The following NAALAD2 variants were observed in gnomAD, a reference collection of about 807,000 sequenced individuals.
NAALAD2 encodes N-acetylated-alpha-linked acidic dipeptidase 2.
A neutral mutation model predicts 95.6 loss-of-function variants in NAALAD2; 89 were observed. The ratio of observed to expected loss-of-function variants is 0.93; its 90% confidence interval spans 0.78 to 1.11. The LOEUF (loss-of-function observed/expected upper bound fraction) is 1.11. NAALAD2 is among the 50% of genes least tolerant of loss of function. NAALAD2 has a pLI of 0.00. For missense variants in NAALAD2, 894 were observed against 872.4 expected (o/e 1.02, Z -0.31); for synonymous variants, 264 against 294.4 (o/e 0.90, Z 1.06).
intron 3 of NAALAD2, 108 bp from the exon 4 acceptor site, chr11:90,148,898 C>T (rs1345078272): frequency 1.6e-6 from 1 of 609,910 alleles, no homozygotes; most frequent in African/African-American, 1.9e-5. Context: ...TATTACAGAA[C>T]CTTGTTCCAG....
chr11:90,157,355 G>C (rs1176601878), intron 6 of NAALAD2, among the ~76,000 whole-genome samples: 1 of 152,136 alleles, frequency 6.6e-6, no homozygotes, highest in Non-Finnish European at 1.5e-5. Context: ...TTGGCTGAAA[G>C]TCACAGTTCC....
chr11:90,167,900 A>G (rs1410505929), intron 11 of NAALAD2, among the ~76,000 whole-genome samples: 1 of 152,222 alleles, frequency 6.6e-6, no homozygotes, highest in Admixed American at 6.5e-5. Context: ...AAAATGGACC[A>G]GTCAGCAGGA....
At chr11:90,168,352 C>T (rs148513885) in intron 11 of NAALAD2, among the ~76,000 whole-genome samples, 193 of 152,302 alleles carry the variant, frequency 1.3e-3, no homozygotes, top group African/African-American at 4.3e-3. Flanking sequence ...AGATCAAGAA[C>T]CCACCAATTC....
Position 90,142,162 on chromosome 11 carries a change from C to T in NAALAD2, c.195-5168C>T, listed in dbSNP as rs146340411. Among the ~76,000 whole-genome samples, 910 of 152,122 alleles carry T rather than the reference C, an allele frequency of 6.0e-3. 4 individuals are homozygous for T. Among genetic ancestry groups the T allele is most frequent in the African/African-American group, 0.021 (866 of 41,504 alleles). On this transcript the variant is annotated intron_variant, in intron 2 of 18. Transcript: ENST00000534061. ...CTTTTTCTGTATCAATTAATATGAT[C>T]ATATGATTTTTCTTTTTTAGCTGGT... is the stretch of plus-strand genomic sequence containing the variant.
chr11:90,150,147 C>G (rs1951848398), intron 4 of NAALAD2, among the ~76,000 whole-genome samples: 1 of 152,256 alleles, frequency 6.6e-6, no homozygotes, highest in Admixed American at 6.5e-5. Flanking sequence ...CACAGCTACT[C>G]TGGCAGCTGA....
Position 90,163,317 on chromosome 11 carries a change from T to TGTCTG in NAALAD2, c.1085_1086insCTGGT (p.Ile363TrpfsTer35), listed in dbSNP as rs772627991. On this transcript the variant is annotated frameshift_variant, in exon 10 of 19. Coordinates refer to ENST00000534061, the MANE Select transcript of NAALAD2 (RefSeq NM_005467.4). LOFTEE classifies it high-confidence loss of function. ...GAACGTATTATTTTCCAGACAGGTA[T>TGTCTG]GTTATTCTGGGAGGTCACCGGGACT... The TGTCTG allele has an allele frequency of 9.9e-6, 16 of 1,613,236 alleles. 1 individual carries two copies. The highest frequency in any genetic ancestry group is 1.7e-5 in the Admixed American group (1 of 59,916).
chr11:90,159,450 C>G (rs1350105769), intron 8 of NAALAD2, 113 bp downstream of exon 8: 11 of 703,290 alleles, frequency 1.6e-5, no homozygotes, highest in Non-Finnish European at 2.4e-5. Context: ...TCTTTCTAAA[C>G]AACCATTTTA....
At chr11:90,177,089 T>C (rs1644369470) in intron 15 of NAALAD2, among the ~76,000 whole-genome samples, 1 of 152,112 alleles carries the variant, frequency 6.6e-6, no homozygotes, top group African/African-American at 2.4e-5. Flanking sequence ...GTAAGAACGA[T>C]AGCCATACAA....
At chr11:90,159,023 A>C in intron 7 of NAALAD2, 1 of 509,906 alleles carries the variant, frequency 2.0e-6, no homozygotes, top group Non-Finnish European at 3.5e-6. Flanking sequence ...CTTTGCTCTC[A>C]TCACTAACAT....
intron 16 of NAALAD2, among the ~76,000 whole-genome samples, chr11:90,179,964 G>A (rs1565546401): frequency 6.6e-6 from 1 of 151,990 alleles, no homozygotes; most frequent in Non-Finnish European, 1.5e-5. Flanking sequence ...CATTTCTTCT[G>A]CCTGATGTGT....
At chr11:90,158,413 G>A in intron 7 of NAALAD2, 175 bp downstream of exon 7, 1 of 522,762 alleles carries the variant, frequency 1.9e-6, no homozygotes, top group East Asian at 3.5e-5. Flanking sequence ...AGTCATTTTA[G>A]TGACTAAGAA....
At chr11:90,189,601 T>C (rs1490277397) in intron 18 of NAALAD2, among the ~76,000 whole-genome samples, 1 of 152,008 alleles carries the variant, frequency 6.6e-6, no homozygotes, top group Non-Finnish European at 1.5e-5. Context: ...AAACCCCATC[T>C]CTACTAAAAA....
chr11:90,139,581 C>T (rs1249821435), intron 2 of NAALAD2, among the ~76,000 whole-genome samples: 7 of 152,162 alleles, frequency 4.6e-5, no homozygotes, highest in Admixed American at 4.6e-4. Context: ...CTTATCTCGA[C>T]ACTTTAAGTT....
intron 7 of NAALAD2, 177 bp downstream of exon 7, chr11:90,158,415 G>C: frequency 3.8e-6 from 2 of 520,078 alleles, no homozygotes; most frequent in Non-Finnish European, 6.7e-6. Context: ...TCATTTTAGT[G>C]ACTAAGAAAT....
chr11:90,154,596 G>T (rs988134318), intron 6 of NAALAD2, among the ~76,000 whole-genome samples: 3 of 151,398 alleles, frequency 2.0e-5, no homozygotes, highest in Non-Finnish European at 4.4e-5. Flanking sequence ...TTAGTTTCTT[G>T]TAATATCTTT....
upstream of NAALAD2, among the ~76,000 whole-genome samples, chr11:90,132,986 C>G (rs3808979): frequency 0.45 from 68,302 of 151,950 alleles, 16,326 homozygotes; most frequent in African/African-American, 0.61. Context: ...AAGTTAAGTA[C>G]CAGGTATGCT....
intron 11 of NAALAD2, chr11:90,163,912 AAT>A: frequency 2.1e-6 from 1 of 467,464 alleles, no homozygotes; most frequent in East Asian, 3.3e-5. Flanking sequence ...AATCAAAATT[AAT>A]GAGATATTTT....
At chr11:90,147,624 G>T (rs1590966076) in intron 3 of NAALAD2, 108 bp downstream of exon 3, 4 of 988,150 alleles carry the variant, frequency 4.0e-6, no homozygotes. Context: ...GAATTATTCA[G>T]TATCCACTAT....
intron 6 of NAALAD2, among the ~76,000 whole-genome samples, chr11:90,153,129 C>A (rs1951933883): frequency 6.6e-6 from 1 of 152,094 alleles, no homozygotes; most frequent in African/African-American, 2.4e-5. Context: ...AATAGTTTTT[C>A]TTTCTTTTGC....
Sources: allele counts gnomAD v4.1 joint callset (sites outside exome capture counted in the v4.1 genomes callset), GRCh38; gene constraint gnomAD v4.1.1; transcripts MANE v1.5; gene names NCBI Gene and HGNC (gene_info 2026-07-23, HGNC 2026-07-21).